The following MED13L variants were observed in gnomAD, a reference collection of about 807,000 sequenced individuals.
The protein encoded by MED13L is mediator of RNA polymerase II transcription subunit 13-like.
Under a neutral mutation model 220.9 loss-of-function variants are expected in MED13L, and 7 were observed. The observed-to-expected ratio is 0.03, with a 90% CI of 0.02 to 0.06. The LOEUF (loss-of-function observed/expected upper bound fraction) is 0.06, where lower values mean the gene tolerates loss of function less well. Among genes scored for constraint, MED13L ranks in the 10% least tolerant of loss-of-function variants. The pLI is 1.00. For missense variants in MED13L, 1,965 were observed against 2,760.5 expected (o/e 0.71, Z 6.46); for synonymous variants, 1,011 against 1,015.2 (o/e 1.00, Z 0.08).
At chr12:116,047,464 T>C (rs1881908630) in intron 4 of MED13L, among the ~76,000 whole-genome samples, 1 of 152,236 alleles carries the variant, frequency 6.6e-6, no homozygotes, top group Admixed American at 6.5e-5. Flanking sequence ...ATTTAATTTA[T>C]AAGTGGGTTT....
intron 2 of MED13L, among the ~76,000 whole-genome samples, chr12:116,230,067 CA>C (rs1282544447): frequency 2.0e-5 from 3 of 152,100 alleles, no homozygotes. Flanking sequence ...TCATGAAATA[CA>C]AATGTATTCT....
intron 2 of MED13L, among the ~76,000 whole-genome samples, chr12:116,191,254 T>A (rs894211610): frequency 3.4e-4 from 51 of 152,200 alleles, no homozygotes; most frequent in African/African-American, 1.2e-3. Context: ...GTTTATTAAG[T>A]ACATTGGTGC....
rs116527923 is a variant in MED13L at position 116,172,337 on chromosome 12, A to G, written c.311-60825T>C. Among the ~76,000 whole-genome samples the G allele has an allele frequency of 3.4e-3, 511 of 152,264 alleles. 4 individuals carry two copies. Among genetic ancestry groups the G allele is most frequent in the African/African-American group, 0.012 (478 of 41,558 alleles). ...CATATGATTCACCCCAGCTAGCTAT[A>G]CTGAGAAAGGTCACGTCAAACTGCC... On this transcript the variant is annotated intron_variant, in intron 2 of 30. Transcript: ENST00000281928.
intron 4 of MED13L, among the ~76,000 whole-genome samples, chr12:116,088,196 A>C (rs991605550): frequency 1.1e-4 from 16 of 152,120 alleles, no homozygotes; most frequent in African/African-American, 3.9e-4. Flanking sequence ...CATAGGGCAG[A>C]CTGAACCACA....
chr12:116,208,939 C>T (rs766656683), intron 2 of MED13L, among the ~76,000 whole-genome samples: 1 of 151,964 alleles, frequency 6.6e-6, no homozygotes, highest in Non-Finnish European at 1.5e-5. Flanking sequence ...CCACTGTACT[C>T]CAGCCTGGGT....
chr12:116,275,173 T>C (rs775969458), intron 1 of MED13L, among the ~76,000 whole-genome samples: 19 of 152,086 alleles, frequency 1.2e-4, no homozygotes, highest in Non-Finnish European at 1.9e-4. Flanking sequence ...TGGTCACCAG[T>C]AACCACACAA....
At chr12:116,226,037 T>C (rs1267812502) in intron 2 of MED13L, among the ~76,000 whole-genome samples, 1 of 150,786 alleles carries the variant, frequency 6.6e-6, no homozygotes, top group Non-Finnish European at 1.5e-5. Context: ...ACAAAGCCAC[T>C]TCATCTTTAT....
At chr12:116,212,430 ATCT>A (rs1286217068) in intron 2 of MED13L, among the ~76,000 whole-genome samples, 1 of 152,180 alleles carries the variant, frequency 6.6e-6, no homozygotes, top group Non-Finnish European at 1.5e-5. Context: ...AAATCAATAA[ATCT>A]TCTGAGCATC....
intron 4 of MED13L, among the ~76,000 whole-genome samples, chr12:116,072,482 C>T (rs778195092): frequency 6.6e-6 from 1 of 151,096 alleles, no homozygotes; most frequent in African/African-American, 2.4e-5. Context: ...GATGGAGTCT[C>T]GCTCTGCCGC....
intron 1 of MED13L, among the ~76,000 whole-genome samples, chr12:116,240,678 A>C (rs1870544603): frequency 6.6e-6 from 1 of 151,698 alleles, no homozygotes; most frequent in Admixed American, 6.6e-5. Context: ...GACTGACTAC[A>C]GGCGCCCGCC....
intron 2 of MED13L, among the ~76,000 whole-genome samples, chr12:116,117,239 T>C (rs1369077666): frequency 1.3e-5 from 2 of 151,932 alleles, no homozygotes; most frequent in African/African-American, 4.8e-5. Context: ...AAAAGGCAAA[T>C]TTAAGGTACT....
At position 115,991,378 on chromosome 12, in the gene MED13L, A is replaced by T; in HGVS notation, c.3576T>A (p.Asp1192Glu). 1 of 1,614,022 alleles carries T rather than the reference A, an allele frequency of 6.2e-7. No homozygotes were observed. Among genetic ancestry groups the T allele is most frequent in the Non-Finnish European group, 8.5e-7 (1 of 1,180,028 alleles). ...DELDIFGKNS[D>E]IGQAAERRLM... ...AGCGCCTCTCTGCAGCCTGACCAAT[A>T]TCAGAATTCTTCCCAAAAATATCCA... is the stretch of plus-strand genomic sequence containing the variant. Residue 1192 changes from aspartate (D) to glutamate (E), a missense_variant, in exon 17 of 31, where the codon GAT becomes GAA. Around this residue, in one of 10 missense-constraint regions of MED13L, gnomAD observed 165 missense variants for 190.8 expected, o/e 0.86. Transcript: ENST00000281928. This position sits in a 1 kb window ranked among gnomAD's most constrained non-coding sequence, Gnocchi z 7.7.
At chr12:116,265,859 G>A (rs1001659757) in intron 1 of MED13L, among the ~76,000 whole-genome samples, 1 of 152,132 alleles carries the variant, frequency 6.6e-6, no homozygotes, top group Non-Finnish European at 1.5e-5. Flanking sequence ...AGCTTCCAAA[G>A]AATGCCCTTC....
At chr12:116,153,111 T>C (rs1048100322) in intron 2 of MED13L, among the ~76,000 whole-genome samples, 1 of 152,198 alleles carries the variant, frequency 6.6e-6, no homozygotes, top group South Asian at 2.1e-4. Context: ...ATAATTAAAT[T>C]AGTGTGTAAC....
intron 2 of MED13L, among the ~76,000 whole-genome samples, chr12:116,150,284 C>T (rs888511794): frequency 2.0e-5 from 3 of 152,172 alleles, no homozygotes; most frequent in Admixed American, 6.5e-5. Flanking sequence ...CTCTTGTGTC[C>T]GCCTAAGGCC....
intron 2 of MED13L, among the ~76,000 whole-genome samples, chr12:116,193,777 TGGGAATAGTA>T (rs993417080): frequency 6.6e-6 from 1 of 152,140 alleles, no homozygotes; most frequent in Non-Finnish European, 1.5e-5. Context: ...GAAATCATCA[TGGGAATAGTA>T]GGAGTCACAA....
rs1482625634 is a variant in MED13L, at chr12:115,983,244, T to C, written c.4828A>G (p.Ser1610Gly). 1 of 1,614,166 alleles carries C rather than the reference T, an allele frequency of 6.2e-7. No homozygotes were observed. ...STTSSSGFSG[S>G]VGGQNPSTGG... is the part of the protein sequence containing the mutation. ...GTGCTGGGGTTCTGCCCTCCAACACTACCACTGAATCCTGAAGAAGAGGTA... is the reference window on the plus strand; with the variant it reads ...GTGCTGGGGTTCTGCCCTCCAACACCACCACTGAATCCTGAAGAAGAGGTA... The change falls in exon 21 of 31, where the codon AGT (serine) becomes GGT (glycine). Residue 1610 changes from serine to glycine, a missense_variant. This residue lies in a region of MED13L where 510 missense variants were observed against 620.4 expected (regional missense o/e 0.82). Transcript: ENST00000281928.
intron 2 of MED13L, among the ~76,000 whole-genome samples, chr12:116,144,147 A>C (rs899983682): frequency 5.3e-5 from 8 of 152,276 alleles, no homozygotes; most frequent in African/African-American, 1.9e-4. Flanking sequence ...CAACAGCTTA[A>C]CTCACAGCCC....
chr12:116,124,105 C>CAG (rs1225355895), intron 2 of MED13L, among the ~76,000 whole-genome samples: 1 of 116,520 alleles, frequency 8.6e-6, no homozygotes, highest in African/African-American at 3.0e-5. Flanking sequence ...ATAACATCTG[C>CAG]AGAGAGAGAG....
Sources: gnomAD v4.1 joint callset for allele counts (sites outside exome capture counted in the v4.1 genomes callset) on GRCh38, gnomAD v4.1.1 for gene constraint, gnomAD v4.1.1 regional missense constraint, Gnocchi (gnomAD v3.1) non-coding constraint, MANE v1.5 for transcripts, NCBI Gene and HGNC (gene_info 2026-07-23, HGNC 2026-07-21) for gene names.